The following DDAH1 variants were observed in gnomAD, a reference collection of about 807,000 sequenced individuals.
DDAH1 encodes the protein N(G),N(G)-dimethylarginine dimethylaminohydrolase 1.
Under a neutral mutation model 28.8 loss-of-function variants are expected in DDAH1, and 19 were observed. The ratio of observed to expected loss-of-function variants is 0.66; its 90% confidence interval spans 0.46 to 0.97. The LOEUF (loss-of-function observed/expected upper bound fraction) is 0.97. Ranked by LOEUF, DDAH1 falls within the 50% of genes least tolerant of loss-of-function variation. The probability of loss-of-function intolerance (pLI) is 0.00; values close to 1 mark genes in which losing one functional copy is unlikely to be tolerated. For missense variants in DDAH1, 326 were observed against 375.9 expected, an observed-to-expected ratio of 0.87 and a Z score of 1.10; for synonymous variants, 153 against 154.4, an observed-to-expected ratio of 0.99 and a Z score of 0.07.
chr1:85,350,071 A>C (rs544579983), intron 4 of DDAH1, among the ~76,000 whole-genome samples: 2 of 152,316 alleles, frequency 1.3e-5, no homozygotes, highest in South Asian at 4.1e-4. Context: ...TCTCCAACTT[A>C]AGTGAGAAAA....
chr1:85,405,879 C>T (rs191678825), intron 1 of DDAH1, among the ~76,000 whole-genome samples: 8 of 152,304 alleles, frequency 5.3e-5, no homozygotes, highest in Admixed American at 2.0e-4. Flanking sequence ...CACTCGAATA[C>T]GTTTCTTTTG....
intron 2 of DDAH1, chr1:85,495,693 C>A (rs1656562030): frequency 6.6e-6 from 1 of 152,158 alleles, no homozygotes; most frequent in Admixed American, 6.5e-5. Context: ...ATGTCATGAG[C>A]AATTCACTAC....
intron 2 of DDAH1, among the ~76,000 whole-genome samples, chr1:85,475,422 A>G (rs554799569): frequency 6.6e-6 from 1 of 152,278 alleles, no homozygotes; most frequent in South Asian, 2.1e-4. Context: ...TTCCTATTCC[A>G]TTATTGGTTG....
intron 2 of DDAH1, among the ~76,000 whole-genome samples, chr1:85,485,648 T>C (rs1367726582): frequency 2.0e-5 from 3 of 152,188 alleles, no homozygotes; most frequent in Admixed American, 2.0e-4. Context: ...TTTGCTCAAA[T>C]GTATACTGAA....
intron 4 of DDAH1, among the ~76,000 whole-genome samples, chr1:85,345,288 T>G (rs1648774553): frequency 6.6e-6 from 1 of 151,848 alleles, no homozygotes; most frequent in Admixed American, 6.6e-5. Context: ...TCTGGAAGAG[T>G]ACAAACAGGT....
intron 1 of DDAH1, among the ~76,000 whole-genome samples, chr1:85,499,136 T>C (rs1557694894): frequency 6.6e-6 from 1 of 151,582 alleles, no homozygotes; most frequent in African/African-American, 2.4e-5. Context: ...ACTAATGCTA[T>C]AGAGTTTATA....
In DDAH1 at chr1:85,424,555, T is replaced by C. The variant is rs569465174; in HGVS notation, c.303+40188A>G. On this transcript the variant is annotated intron_variant, in intron 1 of 5. Coordinates refer to ENST00000284031, the MANE Select transcript of DDAH1 (RefSeq NM_012137.4). ...GAGATAGTCTGGTGAGCATGCTTTT[T>C]AAAAAACTATTTTTCCCCCTTAACT... Among the ~76,000 whole-genome samples the C allele has an allele frequency of 2.6e-5, 4 of 152,198 alleles. No homozygotes were observed. The East Asian group carries it at 7.7e-4, about 29-fold the overall frequency.
intron 1 of DDAH1, among the ~76,000 whole-genome samples, chr1:85,442,647 A>G (rs1654251688): frequency 6.6e-6 from 1 of 152,212 alleles, no homozygotes; most frequent in Non-Finnish European, 1.5e-5. Flanking sequence ...TCCCACCAAC[A>G]GTGTAAAAGT....
intron 2 of DDAH1, among the ~76,000 whole-genome samples, chr1:85,353,843 A>G (rs1193100689): frequency 6.6e-6 from 1 of 152,210 alleles, no homozygotes; most frequent in African/African-American, 2.4e-5. Context: ...GGAGGAAGAA[A>G]ATTTCCACAT....
chr1:85,460,619 A>T (rs1381290888), intron 1 of DDAH1, among the ~76,000 whole-genome samples: 1 of 152,196 alleles, frequency 6.6e-6, no homozygotes, highest in Admixed American at 6.5e-5. Flanking sequence ...AAAGGGGCAA[A>T]AGGGCCTTTT....
chr1:85,403,287 G>A lies in DDAH1; in HGVS notation c.304-44440C>T, dbSNP rs190038846. ...TACACATATATACATATACATATATGTGTATGTATATATATGTATGTAAAG... is the reference window on the plus strand; with the variant it reads ...TACACATATATACATATACATATATATGTATGTATATATATGTATGTAAAG... On this transcript the variant is annotated intron_variant, in intron 1 of 5. Coordinates refer to ENST00000284031, the MANE Select transcript of DDAH1 (RefSeq NM_012137.4). 4.8e-3 allele frequency among the ~76,000 whole-genome samples: 734 copies of A among 151,500 alleles called. 2 individuals are homozygous for A. The highest frequency in any genetic ancestry group is 0.017 in the African/African-American group (704 of 41,250).
At chr1:85,551,135 C>T (rs1162706909) in intron 1 of DDAH1, among the ~76,000 whole-genome samples, 1 of 152,210 alleles carries the variant, frequency 6.6e-6, no homozygotes, top group Non-Finnish European at 1.5e-5. Context: ...ACCTAAACTA[C>T]TCATGAATGT....
At position 85,400,177 on chromosome 1, in the gene DDAH1, CTTTT is replaced by C. The variant is rs61677601; in HGVS notation, c.304-41334_304-41331del. The stretch of plus-strand genomic sequence containing the variant: ...TGCAGGAATTCCTTTCTTTTCTTTT[CTTTT>C]TTTTTTTTTTTTTTTTTTTTTTTTT... On this transcript the variant is annotated intron_variant, in intron 1 of 5. Coordinates refer to ENST00000284031, the MANE Select transcript of DDAH1 (RefSeq NM_012137.4). 3.8e-4 allele frequency among the ~76,000 whole-genome samples: 21 copies of C among 54,960 alleles called. 1 individual carries two copies. The highest frequency in any genetic ancestry group is 3.0e-3 in the Admixed American group (12 of 4,050). 36.1% of individuals were successfully genotyped at this position (54,960 alleles called of 152,430 possible).
Position 85,549,061 on chromosome 1 carries a change from C to T in DDAH1, c.-123+28923G>A, listed in dbSNP as rs1301200423. ...TAGAACTCAAATTGGGCAGTTGAAACATTTTTGTATTATGTGGCAAGCTAT... is the reference window on the plus strand; with the variant it reads ...TAGAACTCAAATTGGGCAGTTGAAATATTTTTGTATTATGTGGCAAGCTAT... On this transcript the variant is annotated intron_variant, in intron 1 of 6. Transcript: ENST00000426972. Among the ~76,000 whole-genome samples the T allele has an allele frequency of 2.6e-5, 4 of 152,204 alleles. No homozygotes were observed. The East Asian group carries it at 5.8e-4, about 22-fold the overall frequency.
intron 2 of DDAH1, among the ~76,000 whole-genome samples, chr1:85,491,046 CTTT>C (rs5775843): frequency 0.32 from 39,886 of 125,070 alleles, 7,328 homozygotes; most frequent in African/African-American, 0.52. Flanking sequence ...AACATGTATT[CTTT>C]TTTTTTTTTT....
chr1:85,462,765 T>C (rs1044969576), intron 1 of DDAH1, among the ~76,000 whole-genome samples: 1 of 152,166 alleles, frequency 6.6e-6, no homozygotes, highest in Non-Finnish European at 1.5e-5. Flanking sequence ...CTGGGAGGCC[T>C]GTTACCCTGG....
At chr1:85,409,954 A>G (rs1202567499) in intron 1 of DDAH1, among the ~76,000 whole-genome samples, 2 of 152,180 alleles carry the variant, frequency 1.3e-5, no homozygotes, top group East Asian at 3.9e-4. Flanking sequence ...AATCATAACA[A>G]TTCTCCTTAT....
At chr1:85,332,213 C>T (rs971798315) in intron 4 of DDAH1, among the ~76,000 whole-genome samples, 3 of 152,196 alleles carry the variant, frequency 2.0e-5, no homozygotes, top group African/African-American at 7.2e-5. Context: ...CCAGCAACCC[C>T]TGTATCTTCA....
At chr1:85,529,319 TA>T (rs1315865055) in intron 1 of DDAH1, among the ~76,000 whole-genome samples, 6 of 152,280 alleles carry the variant, frequency 3.9e-5, no homozygotes, top group Admixed American at 2.0e-4. Context: ...AATTTTTGCA[TA>T]TTGAGCTGGA....
Sources: allele counts gnomAD v4.1 joint callset (sites outside exome capture counted in the v4.1 genomes callset), GRCh38; gene constraint gnomAD v4.1.1; transcripts MANE v1.5; gene names NCBI Gene and HGNC (gene_info 2026-07-23, HGNC 2026-07-21).